The following SCAPER variants were observed in gnomAD, a reference collection of about 807,000 sequenced individuals.
SCAPER encodes S phase cyclin A-associated protein in the endoplasmic reticulum.
A neutral mutation model predicts 182.2 loss-of-function variants in SCAPER; 98 were observed. The observed-to-expected ratio is 0.54, with a 90% CI of 0.46 to 0.64. SCAPER has a LOEUF of 0.64. Ranked by LOEUF, SCAPER falls within the 30% of genes least tolerant of loss-of-function variation. The probability of loss-of-function intolerance (pLI) is 0.00; values close to 1 mark genes in which losing one functional copy is unlikely to be tolerated. For missense variants in SCAPER, 1,432 were observed against 1,690.0 expected, an observed-to-expected ratio of 0.85 and a Z score of 2.68; for synonymous variants, 605 against 564.6, an observed-to-expected ratio of 1.07 and a Z score of -1.01.
In SCAPER at chr15:76,728,710, G is replaced by A. The variant is rs2151021716; in HGVS notation, c.2050C>T (p.Arg684Trp). 4 of 1,613,124 alleles carry A rather than the reference G, an allele frequency of 2.5e-6. No homozygotes were observed. In the East Asian group the frequency reaches 6.7e-5, roughly 27 times the overall value. Residue 684 changes from arginine (R) to tryptophan (W), a missense_variant, in exon 17 of 32, where the codon CGG (arginine) becomes TGG (tryptophan). By Grantham distance (101) the Arg-to-Trp change is moderately radical. This residue lies in a region of SCAPER where 88 missense variants were observed against 184.2 expected (regional missense o/e 0.48). Coordinates refer to ENST00000563290, the MANE Select transcript of SCAPER (RefSeq NM_020843.4). ...QERKRALEAERQARVEELLMK... is the reference protein window; with the variant it reads ...QERKRALEAEWQARVEELLMK... ...AACAATTCTTCTACACGGGCCTGCC[G>A]CTCTGCCTCTAGAGCTCTCTTGCGT... is the stretch of plus-strand genomic sequence containing the variant.
chr15:76,860,210 T>C (rs1004460682), intron 3 of SCAPER, among the ~76,000 whole-genome samples: 1 of 152,186 alleles, frequency 6.6e-6, no homozygotes, highest in Non-Finnish European at 1.5e-5. Flanking sequence ...GAATAACCCA[T>C]GGAAAATGAG....
At chr15:76,665,229 T>C (rs2056482460) in intron 21 of SCAPER, among the ~76,000 whole-genome samples, 1 of 152,194 alleles carries the variant, frequency 6.6e-6, no homozygotes, top group African/African-American at 2.4e-5. Context: ...TTTCTTGTTG[T>C]GACAGGCAAC....
intron 5 of SCAPER, among the ~76,000 whole-genome samples, chr15:76,833,827 T>C (rs2068713247): frequency 6.6e-6 from 1 of 152,240 alleles, no homozygotes; most frequent in African/African-American, 2.4e-5. Flanking sequence ...TAAACATATA[T>C]GTACCCAACA....
At chr15:76,464,946 C>A (rs1170421596) in intron 25 of SCAPER, among the ~76,000 whole-genome samples, 1 of 152,044 alleles carries the variant, frequency 6.6e-6, no homozygotes. Context: ...GAGGTGATAT[C>A]TCATTGTGGT....
chr15:76,649,386 T>C (rs751129451), intron 21 of SCAPER, among the ~76,000 whole-genome samples: 2 of 151,932 alleles, frequency 1.3e-5, no homozygotes, highest in East Asian at 3.9e-4. Context: ...GCTGGGATCA[T>C]GCCACTGCAT....
At position 76,376,159 on chromosome 15, in the gene SCAPER, T is replaced by C; in HGVS notation, c.3855+3A>G. ...GTCTAAGGAACTTTCCAGGGCCTCT[T>C]ACCTGGTTATCTGGGTGGTTGACAG... is the stretch of plus-strand genomic sequence containing the variant. On this transcript the variant is annotated splice_donor_region_variant and intron_variant, in intron 29 of 31. Coordinates refer to ENST00000563290, the MANE Select transcript of SCAPER (RefSeq NM_020843.4). The C allele has an allele frequency of 6.2e-7, 1 of 1,613,842 alleles. No homozygotes were observed. The highest frequency in any genetic ancestry group is 8.5e-7 in the Non-Finnish European group (1 of 1,179,764).
chr15:76,852,241 G>C (rs899630683), intron 4 of SCAPER, among the ~76,000 whole-genome samples: 6 of 152,164 alleles, frequency 3.9e-5, no homozygotes, highest in Non-Finnish European at 5.9e-5. Context: ...CACAATAAGA[G>C]TGGAAGACCT....
At chr15:76,742,265 T>C (rs1276868280) in intron 15 of SCAPER, among the ~76,000 whole-genome samples, 1 of 151,820 alleles carries the variant, frequency 6.6e-6, no homozygotes, top group African/African-American at 2.4e-5. Context: ...CTCAGGCCAC[T>C]ATTTCTCAGA....
chr15:76,744,814 C>T (rs1659397176), intron 15 of SCAPER, among the ~76,000 whole-genome samples: 1 of 151,894 alleles, frequency 6.6e-6, no homozygotes, highest in African/African-American at 2.4e-5. Context: ...ATTATTATAC[C>T]AAAAAGACAT....
chr15:76,406,305 C>T (rs1448611181), intron 26 of SCAPER, among the ~76,000 whole-genome samples: 2 of 151,940 alleles, frequency 1.3e-5, no homozygotes, highest in Non-Finnish European at 2.9e-5. Context: ...TGGTGAAACC[C>T]TGTCTCTACT....
At chr15:76,886,968 T>C (rs762105708) in intron 1 of SCAPER, among the ~76,000 whole-genome samples, 36 of 152,124 alleles carry the variant, frequency 2.4e-4, no homozygotes, top group South Asian at 8.3e-4. Flanking sequence ...CATGGACACA[T>C]AGAGGGGAAC....
At chr15:76,501,589 G>A (rs1350449368) in intron 24 of SCAPER, among the ~76,000 whole-genome samples, 1 of 152,208 alleles carries the variant, frequency 6.6e-6, no homozygotes, top group East Asian at 1.9e-4. Flanking sequence ...ACTGTTATGA[G>A]ACAGTGGCTT....
intron 26 of SCAPER, among the ~76,000 whole-genome samples, chr15:76,433,100 A>G (rs1184291899): frequency 6.6e-6 from 1 of 152,236 alleles, no homozygotes; most frequent in Non-Finnish European, 1.5e-5. Context: ...CCTAATTTAT[A>G]ACCAGAGATG....
At chr15:76,434,012 G>T in intron 26 of SCAPER, 66 bp downstream of exon 26, 1 of 1,358,790 alleles carries the variant, frequency 7.4e-7, no homozygotes, top group Non-Finnish European at 1.0e-6. Flanking sequence ...TGGGCCTTGA[G>T]ATTTAAATTA....
intron 23 of SCAPER, among the ~76,000 whole-genome samples, chr15:76,529,606 A>T (rs944884399): frequency 6.6e-6 from 1 of 152,206 alleles, no homozygotes; most frequent in African/African-American, 2.4e-5. Context: ...TGAGAAGTTG[A>T]CATTTGAGTA....
intron 6 of SCAPER, among the ~76,000 whole-genome samples, chr15:76,803,078 T>A (rs942684833): frequency 1.3e-5 from 2 of 152,142 alleles, no homozygotes; most frequent in Non-Finnish European, 1.5e-5. Context: ...ATCTGATATG[T>A]CACTTCCCTA....
chr15:76,365,669 G>T (rs2041760340), intron 29 of SCAPER, among the ~76,000 whole-genome samples: 1 of 148,210 alleles, frequency 6.7e-6, no homozygotes, highest in African/African-American at 2.4e-5. Context: ...GATTTTTTTT[G>T]AATATTTGCA....
intron 21 of SCAPER, among the ~76,000 whole-genome samples, chr15:76,629,273 T>C (rs1172282526): frequency 6.6e-6 from 1 of 152,262 alleles, no homozygotes; most frequent in Non-Finnish European, 1.5e-5. Context: ...CTGACGGCCC[T>C]GGCCAGAACT....
intron 22 of SCAPER, among the ~76,000 whole-genome samples, chr15:76,620,163 A>G (rs12900494): frequency 0.38 from 58,023 of 152,006 alleles, 13,074 homozygotes; most frequent in Middle Eastern, 0.52. Context: ...CTAAGTGGTT[A>G]TTGCAAAGAA....
Sources: allele counts gnomAD v4.1 joint callset (sites outside exome capture counted in the v4.1 genomes callset), GRCh38; gene constraint gnomAD v4.1.1; regional missense constraint gnomAD v4.1.1; transcripts MANE v1.5; gene names NCBI Gene and HGNC (gene_info 2026-07-23, HGNC 2026-07-21).